SUPT3H: variants seen among roughly 807,000 people sequenced by gnomAD.
SUPT3H encodes the protein SPT3 homolog, SAGA and STAGA complex component.
SUPT3H carries 44 observed loss-of-function variants against 44.3 expected under a neutral mutation model. The ratio of observed to expected loss-of-function variants is 0.99; its 90% CI spans 0.78 to 1.28. The LOEUF (loss-of-function observed/expected upper bound fraction) is 1.28, where lower values mean the gene tolerates loss of function less well. Among genes scored for constraint, SUPT3H ranks in the 50% most tolerant of loss-of-function variants. The pLI, the probability that SUPT3H is intolerant of heterozygous loss-of-function variation, is 0.00. For synonymous variants in SUPT3H, 124 were observed against 125.6 expected, an observed-to-expected ratio of 0.99 and a Z score of 0.09; for missense variants, 380 against 387.1, an observed-to-expected ratio of 0.98 and a Z score of 0.15.
rs190148097 is a variant in SUPT3H, at chr6:45,233,075, C to T, written c.102-127069G>A. Reference sequence around the variant, plus strand: ...CTGGGGGCAGGGTCACTTCTCACAGCCTGAGACAGGAGTCTCTCAGGTTTT... The same window carrying T: ...CTGGGGGCAGGGTCACTTCTCACAGTCTGAGACAGGAGTCTCTCAGGTTTT... On this transcript the variant is annotated intron_variant, in intron 2 of 10. Transcript: ENST00000371459. Among the ~76,000 whole-genome samples the T allele has an allele frequency of 2.9e-3, 438 of 152,294 alleles. 3 individuals carry two copies. Among genetic ancestry groups the T allele is most frequent in the Non-Finnish European group, 2.7e-3 (182 of 68,020 alleles).
chr6:45,062,880 G>C (rs890841070), intron 3 of SUPT3H, among the ~76,000 whole-genome samples: 16 of 152,040 alleles, frequency 1.1e-4, no homozygotes, highest in Non-Finnish European at 2.2e-4. Context: ...AGCGAGGCTG[G>C]GGGAGGGGCG....
chr6:45,144,271 G>A (rs777218672), intron 2 of SUPT3H, among the ~76,000 whole-genome samples: 4 of 152,058 alleles, frequency 2.6e-5, no homozygotes, highest in Non-Finnish European at 5.9e-5. Context: ...TGTTCCTGAT[G>A]GACGTAGATG....
chr6:45,282,317 AAAG>A, intron 2 of SUPT3H, among the ~76,000 whole-genome samples: 1 of 74,342 alleles, frequency 1.3e-5, no homozygotes, highest in East Asian at 4.2e-4. Context: ...AACGCTTCGC[AAAG>A]AAGTTAAAAA....
chr6:45,325,669 T>C (rs924421090), intron 2 of SUPT3H, among the ~76,000 whole-genome samples: 3 of 151,804 alleles, frequency 2.0e-5, no homozygotes, highest in Non-Finnish European at 4.4e-5. Context: ...AATAAATCTG[T>C]GGTTTTCAAT....
chr6:45,317,224 T>A (rs1348542623), intron 2 of SUPT3H, among the ~76,000 whole-genome samples: 2 of 61,194 alleles, frequency 3.3e-5, no homozygotes, highest in African/African-American at 5.8e-5. Context: ...GAAGACTCTG[T>A]CTCAAAAAAA....
At chr6:44,915,354 A>G (rs1055908457) in intron 10 of SUPT3H, among the ~76,000 whole-genome samples, 2 of 152,236 alleles carry the variant, frequency 1.3e-5, no homozygotes, top group Non-Finnish European at 2.9e-5. Context: ...AACTGTATAC[A>G]TTCTCATCTG....
At chr6:45,042,305 C>G (rs1788664507) in intron 3 of SUPT3H, among the ~76,000 whole-genome samples, 1 of 152,094 alleles carries the variant, frequency 6.6e-6, no homozygotes, top group South Asian at 2.1e-4. Flanking sequence ...CACCTGTAAT[C>G]CCAGCTACTT....
intron 2 of SUPT3H, among the ~76,000 whole-genome samples, chr6:45,344,680 G>A (rs746541843): frequency 2.0e-5 from 3 of 152,032 alleles, no homozygotes; most frequent in Non-Finnish European, 2.9e-5. Context: ...TAGGTAAAGT[G>A]TATAAACTAG....
intron 2 of SUPT3H, among the ~76,000 whole-genome samples, chr6:45,133,691 T>C (rs1334970400): frequency 1.3e-5 from 2 of 152,214 alleles, no homozygotes; most frequent in Admixed American, 6.5e-5. Context: ...CCGGAACATC[T>C]GACAACCCTC....
chr6:44,905,401 CGA>C (rs879453195), intron 10 of SUPT3H, among the ~76,000 whole-genome samples: 78,604 of 148,536 alleles, frequency 0.53, 20,935 homozygotes, highest in East Asian at 0.69. Context: ...TTTATGCAGC[CGA>C]AAGACACATG....
intron 10 of SUPT3H, among the ~76,000 whole-genome samples, chr6:44,851,464 A>C (rs1772870341): frequency 6.6e-6 from 1 of 152,216 alleles, no homozygotes. Context: ...CCAACTTCAG[A>C]TTGATCTACC....
At chr6:45,128,557 T>TATATAC (rs1280920129) in intron 2 of SUPT3H, among the ~76,000 whole-genome samples, 3 of 56,726 alleles carry the variant, frequency 5.3e-5, no homozygotes, top group Admixed American at 2.5e-4. Context: ...TATATATATA[T>TATATAC]ACACACACAC....
chr6:45,175,823 A>G (rs1277136846), intron 2 of SUPT3H, among the ~76,000 whole-genome samples: 2 of 152,216 alleles, frequency 1.3e-5, no homozygotes, highest in African/African-American at 4.8e-5. Flanking sequence ...TGAGAAACAG[A>G]TAACTCCATG....
At chr6:45,065,644 C>T (rs947883762) in intron 3 of SUPT3H, among the ~76,000 whole-genome samples, 1 of 151,018 alleles carries the variant, frequency 6.6e-6, no homozygotes, top group South Asian at 2.1e-4. Context: ...ACCGATCCCA[C>T]AGAAATACAA....
chr6:44,985,236 T>TAAAATAAAATA (rs757270952), intron 6 of SUPT3H, among the ~76,000 whole-genome samples: 50 of 101,876 alleles, frequency 4.9e-4, no homozygotes, highest in African/African-American at 1.6e-3. Context: ...TAAAATAAAA[T>TAAAATAAAATA]AAATAAATAA....
intron 2 of SUPT3H, among the ~76,000 whole-genome samples, chr6:45,332,339 C>T (rs1787679598): frequency 6.9e-6 from 1 of 144,576 alleles, no homozygotes; most frequent in Non-Finnish European, 1.6e-5. Flanking sequence ...ACCTAAATAC[C>T]TCAACTGTAT....
intron 10 of SUPT3H, among the ~76,000 whole-genome samples, chr6:44,890,226 A>G (rs1425044125): frequency 6.7e-6 from 1 of 149,842 alleles, no homozygotes; most frequent in African/African-American, 2.4e-5. Context: ...CTAGAACTAG[A>G]AATACCATTT....
chr6:45,282,350 C>T (rs937956498), intron 2 of SUPT3H, among the ~76,000 whole-genome samples: 7 of 151,942 alleles, frequency 4.6e-5, no homozygotes, highest in South Asian at 2.1e-4. Context: ...AAAAATTAGA[C>T]GAATGGCTAA....
intron 3 of SUPT3H, among the ~76,000 whole-genome samples, chr6:45,036,796 T>C (rs9369529): frequency 0.35 from 53,226 of 151,808 alleles, 10,281 homozygotes; most frequent in Non-Finnish European, 0.43. Flanking sequence ...CAAAATAAGG[T>C]AATAAATCCA....
Sources: allele counts gnomAD v4.1 joint callset (sites outside exome capture counted in the v4.1 genomes callset), GRCh38; gene constraint gnomAD v4.1.1; transcripts MANE v1.5; gene names NCBI Gene and HGNC (gene_info 2026-07-23, HGNC 2026-07-21).